PIBF1: variants seen among roughly 807,000 people sequenced by gnomAD.
The protein encoded by PIBF1 is progesterone-induced-blocking factor 1.
A neutral mutation model predicts 112.5 loss-of-function variants in PIBF1; 90 were observed. The ratio of observed to expected loss-of-function variants is 0.80; its 90% CI spans 0.67 to 0.95. The LOEUF (loss-of-function observed/expected upper bound fraction) is 0.95. Among genes scored for constraint, PIBF1 ranks in the 40% least tolerant of loss-of-function variants. The probability of loss-of-function intolerance (pLI) is 0.00; values close to 1 mark genes in which losing one functional copy is unlikely to be tolerated. For synonymous variants in PIBF1, 301 were observed against 288.6 expected, an observed-to-expected ratio of 1.04 and a Z score of -0.44; for missense variants, 915 against 852.3, an observed-to-expected ratio of 1.07 and a Z score of -0.92.
At chr13:72,926,548 T>A (rs2041490181) in intron 13 of PIBF1, among the ~76,000 whole-genome samples, 1 of 152,228 alleles carries the variant, frequency 6.6e-6, no homozygotes, top group Non-Finnish European at 1.5e-5. Context: ...GATAGAGCAC[T>A]CTTTCTAAAG....
chr13:72,784,315 G>A (rs1489884989), intron 2 of PIBF1, among the ~76,000 whole-genome samples: 2 of 151,288 alleles, frequency 1.3e-5, no homozygotes, highest in African/African-American at 4.9e-5. Flanking sequence ...CCATGATGGT[G>A]GGTGCCTGTA....
At chr13:73,009,899 C>G (rs971164993) in intron 17 of PIBF1, among the ~76,000 whole-genome samples, 3 of 152,188 alleles carry the variant, frequency 2.0e-5, no homozygotes, top group Admixed American at 1.3e-4. Flanking sequence ...AAAGAACTGT[C>G]TGCCATTGAA....
intron 10 of PIBF1, among the ~76,000 whole-genome samples, chr13:72,861,829 G>A (rs941488414): frequency 1.9e-4 from 29 of 152,146 alleles, no homozygotes; most frequent in African/African-American, 5.8e-4. Context: ...AGCAATCTTT[G>A]AAGCGAAAAA....
At chr13:72,885,594 G>A (rs2039818144) in intron 10 of PIBF1, among the ~76,000 whole-genome samples, 1 of 152,066 alleles carries the variant, frequency 6.6e-6, no homozygotes. Context: ...GATTAGACAA[G>A]ATTCCTGCAC....
chr13:72,865,042 G>A (rs1302683729), intron 10 of PIBF1, among the ~76,000 whole-genome samples: 3 of 152,096 alleles, frequency 2.0e-5, no homozygotes, highest in Non-Finnish European at 4.4e-5. Flanking sequence ...GGAAATGTAT[G>A]TTTTGGAGGA....
intron 9 of PIBF1, among the ~76,000 whole-genome samples, chr13:72,843,572 C>G (rs763029979): frequency 1.3e-5 from 2 of 152,208 alleles, no homozygotes; most frequent in Non-Finnish European, 2.9e-5. Context: ...CCACTATGCC[C>G]AGCTAATTTT....
At chr13:72,817,313 G>A (rs1404801302) in intron 5 of PIBF1, among the ~76,000 whole-genome samples, 5 of 152,120 alleles carry the variant, frequency 3.3e-5, no homozygotes, top group Non-Finnish European at 7.4e-5. Context: ...CATAGTAATT[G>A]CCTTTTATTG....
chr13:72,897,676 A>G (rs1311843179), intron 11 of PIBF1, among the ~76,000 whole-genome samples: 3 of 152,244 alleles, frequency 2.0e-5, no homozygotes, highest in Admixed American at 1.3e-4. Context: ...CTTACATCAG[A>G]CAAAAAAAAC....
intron 9 of PIBF1, among the ~76,000 whole-genome samples, chr13:72,844,088 A>G (rs966783210): frequency 2.0e-5 from 3 of 152,216 alleles, no homozygotes; most frequent in African/African-American, 4.8e-5. Context: ...AACACTTTAC[A>G]TACGTTGTAG....
intron 7 of PIBF1, 115 bp downstream of exon 7, chr13:72,827,233 G>C: frequency 2.1e-4 from 44 of 212,616 alleles, no homozygotes; most frequent in East Asian, 3.8e-4. Flanking sequence ...CTCCCAAAAA[G>C]ATAAATTTTT....
chr13:72,987,937 A>T (rs1422585190), intron 16 of PIBF1, among the ~76,000 whole-genome samples: 1 of 126,326 alleles, frequency 7.9e-6, no homozygotes, highest in East Asian at 2.4e-4. Context: ...ATCTCGGCTC[A>T]CTGCAACCTC....
At chr13:72,803,386 A>G (rs2035579105) in intron 5 of PIBF1, among the ~76,000 whole-genome samples, 1 of 152,118 alleles carries the variant, frequency 6.6e-6, no homozygotes, top group East Asian at 1.9e-4. Flanking sequence ...CCAACAGTGT[A>G]GGTAGTACTG....
intron 10 of PIBF1, among the ~76,000 whole-genome samples, chr13:72,862,692 G>T (rs948148584): frequency 1.3e-5 from 2 of 152,118 alleles, no homozygotes; most frequent in Non-Finnish European, 2.9e-5. Context: ...ATTCAGGGAG[G>T]TTTGCAGTCT....
intron 11 of PIBF1, among the ~76,000 whole-genome samples, chr13:72,896,928 A>G (rs1327578552): frequency 2.0e-5 from 3 of 152,218 alleles, no homozygotes; most frequent in Non-Finnish European, 4.4e-5. Context: ...CTAGACATCC[A>G]AATACGAGAA....
At chr13:72,786,111 G>A (rs1207079132) in intron 2 of PIBF1, among the ~76,000 whole-genome samples, 1 of 152,128 alleles carries the variant, frequency 6.6e-6, no homozygotes, top group East Asian at 1.9e-4. Flanking sequence ...ATGTATGTAA[G>A]CTCATAGATG....
intron 11 of PIBF1, chr13:72,900,996 T>C: frequency 2.5e-6 from 1 of 401,108 alleles, no homozygotes; most frequent in South Asian, 1.9e-5. Context: ...CGCTGCACCC[T>C]GGGCAACCAG....
At chr13:72,986,803 G>A (rs1156915885) in intron 16 of PIBF1, among the ~76,000 whole-genome samples, 3 of 149,986 alleles carry the variant, frequency 2.0e-5, no homozygotes, top group East Asian at 4.0e-4. Flanking sequence ...CCATTCTCCT[G>A]CCTCAGCCTC....
chr13:72,791,216 G>A (rs1055722552), intron 2 of PIBF1, among the ~76,000 whole-genome samples: 43 of 151,860 alleles, frequency 2.8e-4, no homozygotes, highest in African/African-American at 9.2e-4. Flanking sequence ...CACCACACCC[G>A]GCTAATTTTT....
chr13:72,897,866 A>T, intron 11 of PIBF1, among the ~76,000 whole-genome samples: 1 of 152,214 alleles, frequency 6.6e-6, no homozygotes, highest in Non-Finnish European at 1.5e-5. Flanking sequence ...GGACTTCAGT[A>T]CTCCACTGAC....
Sources: gnomAD v4.1 joint callset for allele counts (sites outside exome capture counted in the v4.1 genomes callset) on GRCh38, gnomAD v4.1.1 for gene constraint, MANE v1.5 for transcripts, NCBI Gene and HGNC (gene_info 2026-07-23, HGNC 2026-07-21) for gene names.